The following WWOX variants were observed in gnomAD, a reference collection of about 807,000 sequenced individuals.
WWOX encodes WW domain containing oxidoreductase.
In WWOX, 69 loss-of-function variants were observed where a neutral mutation model predicts 46.2. The observed-to-expected ratio is 1.49, with a 90% CI of 1.23 to 1.82. The LOEUF is 1.82. Among genes scored for constraint, WWOX ranks in the 40% most tolerant of loss-of-function variants. The probability of loss-of-function intolerance (pLI) is 0.00; values close to 1 mark genes in which losing one functional copy is unlikely to be tolerated. For synonymous variants in WWOX, 359 were observed against 202.6 expected, an observed-to-expected ratio of 1.77 and a Z score of -6.56; for missense variants, 919 against 542.6, an observed-to-expected ratio of 1.69 and a Z score of -6.89.
chr16:78,113,403 A>G (rs536016178), intron 3 of WWOX, among the ~76,000 whole-genome samples: 1 of 152,370 alleles, frequency 6.6e-6, no homozygotes, highest in East Asian at 1.9e-4. Context: ...CTGCCTTTGT[A>G]GTGCTAAAGC....
chr16:78,853,005 G>A (rs1212922339), intron 8 of WWOX, among the ~76,000 whole-genome samples: 3 of 152,074 alleles, frequency 2.0e-5, no homozygotes, highest in Non-Finnish European at 2.9e-5. Context: ...TGATTTGCCC[G>A]GGGTCATACA....
chr16:78,600,306 A>C (rs558477942), intron 8 of WWOX, among the ~76,000 whole-genome samples: 168 of 151,984 alleles, frequency 1.1e-3, no homozygotes, highest in Non-Finnish European at 2.0e-3. Flanking sequence ...CCTGTAGGTT[A>C]CCGTAAATAA....
At chr16:78,839,022 C>T (rs150020027) in intron 8 of WWOX, among the ~76,000 whole-genome samples, 56 of 152,182 alleles carry the variant, frequency 3.7e-4, no homozygotes, top group African/African-American at 1.2e-3. Context: ...GTTGTGAAAT[C>T]GTACTAGAGT....
chr16:78,854,142 C>T (rs968034711), intron 8 of WWOX, among the ~76,000 whole-genome samples: 9 of 152,176 alleles, frequency 5.9e-5, no homozygotes, highest in East Asian at 3.9e-4. Context: ...TATTTCATTT[C>T]GCATCTTGAT....
intron 8 of WWOX, among the ~76,000 whole-genome samples, chr16:78,492,348 A>G (rs1034405690): frequency 1.3e-5 from 2 of 152,204 alleles, no homozygotes; most frequent in Non-Finnish European, 2.9e-5. Flanking sequence ...AAGTTGACCC[A>G]TGACATCGTC....
chr16:78,551,058 A>G (rs1458752827), intron 8 of WWOX: 1 of 152,250 alleles, frequency 6.6e-6, no homozygotes, highest in African/African-American at 2.4e-5. Flanking sequence ...TATCGTGAAT[A>G]TATTCCATGA....
chr16:78,418,130 G>C (rs1056099510), intron 6 of WWOX, among the ~76,000 whole-genome samples: 1 of 152,174 alleles, frequency 6.6e-6, no homozygotes, highest in South Asian at 2.1e-4. Context: ...GGAGGCTGAG[G>C]TGGGTGGATC....
intron 8 of WWOX, among the ~76,000 whole-genome samples, chr16:78,636,880 A>C (rs866546350): frequency 1.3e-5 from 2 of 152,134 alleles, no homozygotes; most frequent in South Asian, 4.1e-4. Flanking sequence ...TTAAAGACCA[A>C]TTGTTAAGGA....
chr16:78,192,423 C>T (rs940368398), intron 5 of WWOX, among the ~76,000 whole-genome samples: 4 of 135,558 alleles, frequency 3.0e-5, no homozygotes, highest in African/African-American at 1.1e-4. Context: ...ACCCAGTAGG[C>T]GGAGGTTGCA....
intron 8 of WWOX, among the ~76,000 whole-genome samples, chr16:78,938,345 A>G (rs947009556): frequency 2.6e-5 from 4 of 152,074 alleles, no homozygotes; most frequent in African/African-American, 9.7e-5. Flanking sequence ...CCAAGTTGGA[A>G]CCCGTGTATA....
chr16:79,021,917 C>T (rs2047541575), intron 8 of WWOX, among the ~76,000 whole-genome samples: 1 of 152,220 alleles, frequency 6.6e-6, no homozygotes, highest in Non-Finnish European at 1.5e-5. Context: ...CCAACACCAG[C>T]AACTGTATCA....
intron 8 of WWOX, among the ~76,000 whole-genome samples, chr16:78,579,253 T>G (rs1310306396): frequency 6.6e-6 from 1 of 152,162 alleles, no homozygotes; most frequent in Non-Finnish European, 1.5e-5. Flanking sequence ...ACGTCACAGT[T>G]TCGTCAAGGA....
chr16:78,386,556 G>C (rs898521835), intron 5 of WWOX, among the ~76,000 whole-genome samples: 4 of 152,106 alleles, frequency 2.6e-5, no homozygotes, highest in Non-Finnish European at 4.4e-5. Flanking sequence ...TGCAGATTGA[G>C]AGGAGATAAC....
chr16:78,632,343 G>T (rs2046452104), intron 8 of WWOX, among the ~76,000 whole-genome samples: 1 of 152,118 alleles, frequency 6.6e-6, no homozygotes, highest in African/African-American at 2.4e-5. Context: ...GAGTAGGTCA[G>T]CATGCCCAAA....
At chr16:78,973,820 C>A (rs1210670899) in intron 8 of WWOX, among the ~76,000 whole-genome samples, 1 of 152,210 alleles carries the variant, frequency 6.6e-6, no homozygotes, top group East Asian at 1.9e-4. Context: ...AGTGGGGGCA[C>A]CAGGGCTCAT....
chr16:78,803,246 T>TG (rs1038283409), intron 8 of WWOX, among the ~76,000 whole-genome samples: 9 of 152,120 alleles, frequency 5.9e-5, no homozygotes, highest in African/African-American at 1.4e-4. Context: ...GTGAGAGTTT[T>TG]TTTTTTTTTC....
chr16:78,851,467 C>G (rs115581766), intron 8 of WWOX, among the ~76,000 whole-genome samples: 1 of 152,170 alleles, frequency 6.6e-6, no homozygotes, highest in South Asian at 2.1e-4. Context: ...AAGGTCATTG[C>G]CTATATGACT....
chr16:78,442,429 C>T (rs76450841), intron 8 of WWOX, among the ~76,000 whole-genome samples: 1 of 151,998 alleles, frequency 6.6e-6, no homozygotes. Context: ...CCACTATCTC[C>T]CCATTTATCA....
At chr16:78,387,093 T>G in intron 6 of WWOX, 145 bp downstream of exon 6, 1 of 783,432 alleles carries the variant, frequency 1.3e-6, no homozygotes. Flanking sequence ...CCTGTTAAGG[T>G]GAACCGTATT....
Sources: allele counts gnomAD v4.1 joint callset (sites outside exome capture counted in the v4.1 genomes callset), GRCh38; gene constraint gnomAD v4.1.1; transcripts MANE v1.5; gene names NCBI Gene and HGNC (gene_info 2026-07-23, HGNC 2026-07-21).